The following AFDN variants were observed in gnomAD, a reference collection of about 807,000 sequenced individuals.
The protein encoded by AFDN is afadin, adherens junction formation factor.
AFDN carries 68 observed loss-of-function variants against 216.6 expected under a neutral mutation model. The ratio of observed to expected loss-of-function variants is 0.31; its 90% CI spans 0.26 to 0.38. The LOEUF (loss-of-function observed/expected upper bound fraction) is 0.38, where lower values mean the gene tolerates loss of function less well. AFDN is among the 10% of genes least tolerant of loss of function. The pLI, the probability that AFDN is intolerant of heterozygous loss-of-function variation, is 1.00. For missense variants in AFDN, 2,136 were observed against 2,342.0 expected (o/e 0.91, Z 1.82); for synonymous variants, 868 against 853.7 (o/e 1.02, Z -0.29).
chr6:167,832,986 A>T (rs1779991891), intron 1 of AFDN, among the ~76,000 whole-genome samples: 1 of 152,202 alleles, frequency 6.6e-6, no homozygotes, highest in Non-Finnish European at 1.5e-5. Context: ...AACAGCCATA[A>T]ACTGGAGTTG....
At chr6:167,828,972 GA>G (rs1779530443) in intron 1 of AFDN, among the ~76,000 whole-genome samples, 1 of 151,840 alleles carries the variant, frequency 6.6e-6, no homozygotes, top group Non-Finnish European at 1.5e-5. Flanking sequence ...TTAGTGATAT[GA>G]CTAGTTTTTA....
chr6:167,854,303 C>T (rs562350957), intron 1 of AFDN, among the ~76,000 whole-genome samples: 2 of 152,058 alleles, frequency 1.3e-5, no homozygotes, highest in African/African-American at 4.8e-5. Flanking sequence ...TCGTTCTTCA[C>T]AAATTTTAGA....
intron 1 of AFDN, among the ~76,000 whole-genome samples, chr6:167,847,492 C>T (rs1276673638): frequency 6.6e-6 from 1 of 152,134 alleles, no homozygotes; most frequent in Non-Finnish European, 1.5e-5. Context: ...TCTGCTTCTT[C>T]TTCAGCCCTC....
intron 12 of AFDN, among the ~76,000 whole-genome samples, chr6:167,904,880 T>C (rs1195428207): frequency 6.6e-6 from 1 of 152,212 alleles, no homozygotes; most frequent in African/African-American, 2.4e-5. Flanking sequence ...GTTACTGTTC[T>C]GCTTTCGAAG....
intron 12 of AFDN, among the ~76,000 whole-genome samples, chr6:167,904,680 A>G (rs1789428304): frequency 1.3e-5 from 2 of 151,686 alleles, no homozygotes. Flanking sequence ...TCCAATAGAA[A>G]CCTCTTCCCC....
In AFDN at chr6:167,827,232, A is replaced by C; in HGVS notation, c.100A>C (p.Thr34Pro). The C allele has an allele frequency of 8.3e-7, 1 of 1,199,592 alleles. No individual in the cohort carries two copies. The highest frequency in any genetic ancestry group is 1.1e-6 in the Non-Finnish European group (1 of 936,496). 74.3% of individuals were successfully genotyped at this position (1,199,592 alleles called of 1,614,324 possible). The part of the protein sequence containing the change: ...RLDLFEISQP[T>P]EDLEFHGVMR... ...GGACCTGTTCGAGATCAGCCAGCCG[A>C]CCGAGGTGAGCACCGCCGGGCGCGG... Residue 34 changes from threonine to proline, a missense_variant, in exon 1 of 34, where the codon ACC becomes CCC. Physicochemically the swap from Thr to Pro is conservative, Grantham distance 38. This residue lies in a region of AFDN where 81 missense variants were observed against 51.2 expected (regional missense o/e 1.58). Coordinates refer to ENST00000683244, the MANE Select transcript of AFDN (RefSeq NM_001386888.1).
chr6:167,865,913 A>C (rs1784125478), intron 2 of AFDN, among the ~76,000 whole-genome samples: 1 of 151,656 alleles, frequency 6.6e-6, no homozygotes. Context: ...CCTCAGTAGT[A>C]TGTAAGTCAG....
intron 8 of AFDN, among the ~76,000 whole-genome samples, chr6:167,892,755 TG>T (rs1437870046): frequency 3.9e-5 from 6 of 152,212 alleles, no homozygotes; most frequent in Non-Finnish European, 7.3e-5. Context: ...TAGTGAGAAT[TG>T]TTATTTCGAC....
rs67495555 is a variant in AFDN, at chr6:167,844,849, C to CT, written c.105+17633dup. Among the ~76,000 whole-genome samples the CT allele has an allele frequency of 2.6e-3, 334 of 127,650 alleles. 2 individuals are homozygous for CT. The highest frequency in any genetic ancestry group is 7.6e-3 in the African/African-American group (266 of 34,848). The allele number at this position is 127,650 out of a possible 152,430, so 83.7% of individuals were successfully genotyped here. ...TTGAGAATGAGCATCCTTTTCTTTT[C>CT]TTTTTTTTTTTTTTTTTTTTTGGTT... On this transcript the variant is annotated intron_variant, in intron 1 of 33. Transcript: ENST00000683244.
At chr6:167,898,522 A>C in intron 11 of AFDN, 55 bp downstream of exon 11, 1 of 1,500,334 alleles carries the variant, frequency 6.7e-7, no homozygotes, top group Non-Finnish European at 9.0e-7. Context: ...AAAGTAGTTC[A>C]GATTATTCAT....
chr6:167,907,425 CCTTT>C, intron 13 of AFDN, 136 bp downstream of exon 13: 1 of 662,578 alleles, frequency 1.5e-6, no homozygotes, highest in Admixed American at 2.8e-5. Context: ...AAGGGCATTT[CCTTT>C]CTGTGTTATT....
chr6:167,918,785 G>C lies in AFDN; in HGVS notation c.2760G>C (p.Leu920=), dbSNP rs755231723. ...VTVAENTADE[L]ARSDGREVQL... Reference sequence around the variant, plus strand: ...TGGCTGAAAACACTGCCGATGAGCTGGCCCGCAGTGATGGAAGGGAAGTGC... The same window carrying C: ...TGGCTGAAAACACTGCCGATGAGCTCGCCCGCAGTGATGGAAGGGAAGTGC... Residue 920 remains leucine (L), a synonymous_variant, in exon 21 of 34, where the codon CTG becomes CTC. Coordinates refer to ENST00000683244, the MANE Select transcript of AFDN (RefSeq NM_001386888.1). 1.2e-6 allele frequency: 2 copies of C among 1,613,832 alleles called. No individual in the cohort carries two copies. The highest frequency in any genetic ancestry group is 3.3e-5 in the Admixed American group (2 of 60,014).
At chr6:167,955,359 C>G (rs936723465) in intron 30 of AFDN, among the ~76,000 whole-genome samples, 13 of 152,284 alleles carry the variant, frequency 8.5e-5, no homozygotes, top group African/African-American at 3.1e-4. Flanking sequence ...TTACAAACAC[C>G]TTCCCTCCTT....
At chr6:167,929,687 G>T (rs1310193904) in intron 23 of AFDN, among the ~76,000 whole-genome samples, 2 of 152,222 alleles carry the variant, frequency 1.3e-5, no homozygotes, top group African/African-American at 4.8e-5. Flanking sequence ...TGAGGAGTCA[G>T]ACGGGAAGAG....
rs1797904727 is a variant in AFDN, at chr6:167,969,851, T to G, written c.5412T>G (p.Leu1804=). 1.9e-6 allele frequency: 3 copies of G among 1,613,342 alleles called. No homozygotes were observed. The highest frequency in any genetic ancestry group is 2.5e-6 in the Non-Finnish European group (3 of 1,179,746). ...TGACATTCAAGGAACGCCAGCGTCT[T>G]TTTTCACAAGGTCAAGATGTATCCA... ...ENLTFKERQR[L]FSQGQDVSNK... Residue 1804 remains leucine (L), a synonymous_variant, in exon 34 of 34, where the codon CTT becomes CTG. Transcript: ENST00000683244.
chr6:167,965,265 G>A (rs1204959827), intron 31 of AFDN, among the ~76,000 whole-genome samples: 1 of 152,030 alleles, frequency 6.6e-6, no homozygotes, highest in Non-Finnish European at 1.5e-5. Context: ...CTGCATTCAT[G>A]GGGGCTCAGT....
chr6:167,841,280 C>T (rs1372005379), intron 1 of AFDN, among the ~76,000 whole-genome samples: 1 of 152,082 alleles, frequency 6.6e-6, no homozygotes, highest in Admixed American at 6.6e-5. Context: ...CCAGAGGCAT[C>T]CTACATAGGC....
rs565228575 is a variant in AFDN at position 167,946,356 on chromosome 6, G to A, written c.3359-351G>A. Reference sequence around the variant, plus strand: ...GCTGCTCAGAACGATGACGCTGGGCGATTAAAAGTTCAGATATTTTTCTAC... The same window carrying A: ...GCTGCTCAGAACGATGACGCTGGGCAATTAAAAGTTCAGATATTTTTCTAC... On this transcript the variant is annotated intron_variant, in intron 26 of 33. Transcript: ENST00000683244. Among the ~76,000 whole-genome samples, 34 of 152,240 alleles carry A rather than the reference G, an allele frequency of 2.2e-4. No homozygotes were observed. The South Asian group carries it at 6.2e-3, about 28-fold the overall frequency.
At chr6:167,872,145 C>T (rs1784864113) in intron 3 of AFDN, 69 bp from the exon 4 acceptor site, 2 of 1,469,448 alleles carry the variant, frequency 1.4e-6, no homozygotes, top group Admixed American at 2.1e-5. Flanking sequence ...GATGAAGTTA[C>T]CTAAGCCGTA....
Sources: allele counts gnomAD v4.1 joint callset (sites outside exome capture counted in the v4.1 genomes callset), GRCh38; gene constraint gnomAD v4.1.1; regional missense constraint gnomAD v4.1.1; transcripts MANE v1.5; gene names NCBI Gene and HGNC (gene_info 2026-07-23, HGNC 2026-07-21).